Variants in FIBCD1 observed in about 807,000 individuals in gnomAD.
FIBCD1 encodes the protein fibrinogen C domain-containing protein 1.
FIBCD1 carries 47 observed loss-of-function variants against 45.1 expected under a neutral mutation model. The ratio of observed to expected loss-of-function variants is 1.04; its 90% CI spans 0.82 to 1.33. The LOEUF is 1.33. Ranked by LOEUF, FIBCD1 falls within the 40% of genes most tolerant of loss-of-function variation. FIBCD1 has a pLI of 0.00. For missense variants in FIBCD1, 653 were observed against 682.2 expected (o/e 0.96, Z 0.48); for synonymous variants, 313 against 308.1 (o/e 1.02, Z -0.17).
At chr9:130,907,335 C>T (rs1831948131) in intron 5 of FIBCD1, among the ~76,000 whole-genome samples, 1 of 152,202 alleles carries the variant, frequency 6.6e-6, no homozygotes, top group East Asian at 1.9e-4. Flanking sequence ...CCCTCCCTCG[C>T]CTCCCTGCCC....
At position 130,922,422 on chromosome 9, in the gene FIBCD1, C is replaced by G. The variant is rs1832277156; in HGVS notation, c.849+1322G>C. Among the ~76,000 whole-genome samples, 1 of 152,166 alleles carries G rather than the reference C, an allele frequency of 6.6e-6. No individual in the cohort carries two copies. The highest frequency in any genetic ancestry group is 1.5e-5 in the Non-Finnish European group (1 of 68,032). On this transcript the variant is annotated intron_variant, in intron 4 of 6. Transcript: ENST00000372338. The surrounding 1 kb of genome is among the most constrained non-coding windows in gnomAD (Gnocchi z 4.5). ...TAAGAGGTCTAAGGATGTAGGTGGG[C>G]ATCCCCGTTTCACAGCTGAGGAAAC... is the stretch of plus-strand genomic sequence containing the variant.
chr9:130,905,529 C>A lies in FIBCD1; in HGVS notation c.947-116G>T, dbSNP rs76499312. 3.3e-3 allele frequency: 3,683 copies of A among 1,104,274 alleles called. 83 individuals are homozygous for A. The African/African-American group carries it at 0.05, about 15-fold the overall frequency. The allele number at this position is 1,104,274 out of a possible 1,614,324, so 68.4% of individuals were successfully genotyped here. A position where few individuals can be genotyped will look rare whatever the true frequency, so the allele number is the denominator to read the frequency against. ...AGTTGGGGACAGAAAGGGACAACCA[C>A]CAAGTGCGTGCAATCAGCCCTGGGC... On this transcript the variant is annotated intron_variant, in intron 5 of 6. Transcript: ENST00000372338.
intron 1 of FIBCD1, among the ~76,000 whole-genome samples, chr9:130,935,955 G>A (rs558657425): frequency 5.3e-5 from 8 of 152,318 alleles, no homozygotes; most frequent in African/African-American, 1.7e-4. Context: ...GCCAGGCCCC[G>A]TTTGTAGGAA....
intron 4 of FIBCD1, among the ~76,000 whole-genome samples, chr9:130,919,274 G>A (rs563121082): frequency 4.7e-4 from 71 of 152,202 alleles, no homozygotes; most frequent in African/African-American, 1.6e-3. Flanking sequence ...CGGTCACCTC[G>A]CCATTATGAA....
intron 3 of FIBCD1, 43 bp downstream of exon 3, chr9:130,924,194 G>C: frequency 2.0e-6 from 3 of 1,519,032 alleles, no homozygotes; most frequent in South Asian, 1.3e-5. Context: ...CCCCAGAGCT[G>C]GGACCCGAGG....
At chr9:130,917,917 C>G (rs1475524443) in intron 4 of FIBCD1, among the ~76,000 whole-genome samples, 1 of 152,102 alleles carries the variant, frequency 6.6e-6, no homozygotes, top group African/African-American at 2.4e-5. Flanking sequence ...CCCAGGAGAC[C>G]TGAGTTCTAC....
Position 130,904,026 on chromosome 9 carries a change from G to T in FIBCD1, c.*38C>A. 6.2e-7 allele frequency: 1 copy of T among 1,604,676 alleles called. No individual in the cohort carries two copies. Reference sequence around the variant, plus strand: ...AGTGAGGTGGGGTCGGGGATGGGGCGACAGGGACCAGCAGGGCCAAGGACA... The same window carrying T: ...AGTGAGGTGGGGTCGGGGATGGGGCTACAGGGACCAGCAGGGCCAAGGACA... On this transcript the variant is annotated 3_prime_UTR_variant, in exon 7 of 7. Coordinates refer to ENST00000372338, the MANE Select transcript of FIBCD1 (RefSeq NM_032843.5).
intron 5 of FIBCD1, 24 bp from the exon 6 acceptor site, chr9:130,905,437 G>C: frequency 6.3e-7 from 1 of 1,598,306 alleles, no homozygotes; most frequent in Non-Finnish European, 8.5e-7. Context: ...GAAAATGGTG[G>C]GAGAAGCTGA....
chr9:130,938,501 C>T (rs986421714), intron 1 of FIBCD1, 35 bp downstream of exon 1: 50 of 1,463,466 alleles, frequency 3.4e-5, no homozygotes, highest in Admixed American at 7.4e-5. Context: ...GCCTGGCCAG[C>T]CGCCCAGGCC....
intron 1 of FIBCD1, among the ~76,000 whole-genome samples, chr9:130,930,585 C>T (rs1832435101): frequency 6.6e-6 from 1 of 152,090 alleles, no homozygotes; most frequent in Non-Finnish European, 1.5e-5. Flanking sequence ...CCCACCTCCC[C>T]CCATGCCCTG....
In FIBCD1 at chr9:130,938,746, C is replaced by T. The variant is rs939593226; in HGVS notation, c.-139G>A. The T allele has an allele frequency of 1.8e-5, 5 of 270,880 alleles. No homozygotes were observed. The highest frequency in any genetic ancestry group is 2.8e-4 in the South Asian group (2 of 7,212). 16.8% of individuals were successfully genotyped at this position (270,880 alleles called of 1,614,324 possible). A position where few individuals can be genotyped will look rare whatever the true frequency, so the allele number is the denominator to read the frequency against. On this transcript the variant is annotated 5_prime_UTR_variant, in exon 1 of 7. Coordinates refer to ENST00000372338, the MANE Select transcript of FIBCD1 (RefSeq NM_032843.5). Reference sequence around the variant, plus strand: ...CTCTGTGCCCCGCGCCGGGGCGGCCCGGGAGCGGGCGGGCGTGTGAGGATG... The same window carrying T: ...CTCTGTGCCCCGCGCCGGGGCGGCCTGGGAGCGGGCGGGCGTGTGAGGATG...
At position 130,905,243 on chromosome 9, in the gene FIBCD1, C is replaced by T. The variant is rs772253515; in HGVS notation, c.1117G>A (p.Gly373Ser). 18 of 1,613,214 alleles carry T rather than the reference C, an allele frequency of 1.1e-5. No homozygotes were observed. The highest frequency in any genetic ancestry group is 1.1e-4 in the South Asian group (10 of 90,962). ...GYPLTVADYS[G>S]TAGDSLLKHS... ...ACAGCTGGAGCCTCACCTGCAGTGC[C>T]GGAATAGTCAGCCACGGTGAGCGGG... is the stretch of plus-strand genomic sequence containing the variant. The change falls in exon 6 of 7, where the codon GGC (glycine) becomes AGC (serine). Residue 373 changes from glycine (G) to serine (S), a missense_variant. Transcript: ENST00000372338.
chr9:130,904,530 G>A (rs1038126521), intron 6 of FIBCD1, among the ~76,000 whole-genome samples: 8 of 152,176 alleles, frequency 5.3e-5, no homozygotes, highest in African/African-American at 1.2e-4. Flanking sequence ...TCACACGCAC[G>A]CAGTCCCTTC....
At chr9:130,914,897 G>A (rs1026071065) in intron 4 of FIBCD1, among the ~76,000 whole-genome samples, 3 of 152,332 alleles carry the variant, frequency 2.0e-5, no homozygotes, top group South Asian at 2.1e-4. Context: ...TGCTCTCTGC[G>A]TGCCCATGTC....
chr9:130,932,956 C>T lies in FIBCD1; in HGVS notation c.73-2910G>A, dbSNP rs965683409. 3.3e-5 allele frequency among the ~76,000 whole-genome samples: 5 copies of T among 152,206 alleles called. No individual in the cohort carries two copies. In the East Asian group the frequency reaches 5.8e-4, roughly 18 times the overall value. The stretch of plus-strand genomic sequence containing the variant: ...ACTGTGTAGCATTAAGGTCCCCTGG[C>T]GGGCGAGGCTGGGGCTGGCGTGGCA... On this transcript the variant is annotated intron_variant, in intron 1 of 6. Transcript: ENST00000372338.
chr9:130,934,844 C>T (rs893145412), intron 1 of FIBCD1, among the ~76,000 whole-genome samples: 1 of 152,204 alleles, frequency 6.6e-6, no homozygotes, highest in Admixed American at 6.5e-5. Context: ...ATTCTACCTC[C>T]TCAGCCACAC....
chr9:130,929,490 A>G, intron 2 of FIBCD1, 77 bp downstream of exon 2: 1 of 1,460,732 alleles, frequency 6.8e-7, no homozygotes. Context: ...CATGGACATC[A>G]GGCGCCTGGC....
At chr9:130,924,634 G>A (rs1165346070) in intron 2 of FIBCD1, among the ~76,000 whole-genome samples, 1 of 152,208 alleles carries the variant, frequency 6.6e-6, no homozygotes, top group Admixed American at 6.5e-5. Context: ...GGGAGCAGGC[G>A]GGAGGGGAAG....
rs781148681 is a variant in FIBCD1 at position 130,923,756 on chromosome 9, G to A, written c.837C>T (p.Gly279=). The A allele has an allele frequency of 8.7e-6, 14 of 1,612,228 alleles. No homozygotes were observed. Among genetic ancestry groups the A allele is most frequent in the East Asian group, 6.7e-5 (3 of 44,868 alleles). Residue 279 remains glycine, a synonymous_variant, in exon 4 of 7, where the codon GGC becomes GGT. Transcript: ENST00000372338. ...CTGGGACACTCACCGTCCAGCCGCC[G>A]CCGTCCGTGCGCATGTCACAGTACA... ...FQVYCDMRTD[G]GGWTVFQRRE...
Sources: allele counts gnomAD v4.1 joint callset (sites outside exome capture counted in the v4.1 genomes callset), GRCh38; gene constraint gnomAD v4.1.1; non-coding constraint Gnocchi (gnomAD v3.1); transcripts MANE v1.5; gene names NCBI Gene and HGNC (gene_info 2026-07-23, HGNC 2026-07-21).